The following RORA variants were observed in gnomAD, a reference collection of about 807,000 sequenced individuals.
RORA encodes the protein nuclear receptor ROR-alpha.
A neutral mutation model predicts 69.5 loss-of-function variants in RORA; 7 were observed. The observed-to-expected ratio is 0.10, with a 90% CI of 0.06 to 0.19. RORA has a LOEUF of 0.19. RORA is among the 10% of genes least tolerant of loss of function. RORA has a pLI of 1.00. For missense variants in RORA, 457 were observed against 663.0 expected, an observed-to-expected ratio of 0.69 and a Z score of 3.41; for synonymous variants, 261 against 240.8, an observed-to-expected ratio of 1.08 and a Z score of -0.78.
intron 1 of RORA, among the ~76,000 whole-genome samples, chr15:61,193,011 C>A (rs1398933088): frequency 6.6e-6 from 1 of 152,162 alleles, no homozygotes; most frequent in African/African-American, 2.4e-5. Context: ...TCTCTGTTAT[C>A]AAGTGAATAA....
intron 8 of RORA, among the ~76,000 whole-genome samples, chr15:60,501,712 A>G (rs932435110): frequency 2.6e-5 from 4 of 152,216 alleles, no homozygotes; most frequent in African/African-American, 7.2e-5. Flanking sequence ...TAAAACTATT[A>G]TAACTATTTA....
chr15:60,972,892 C>T (rs1056806745), intron 1 of RORA, among the ~76,000 whole-genome samples: 3 of 151,908 alleles, frequency 2.0e-5, no homozygotes, highest in Non-Finnish European at 4.4e-5. Flanking sequence ...ATCCTCTGAC[C>T]TGAGTATACC....
At chr15:61,185,991 C>T (rs889733093) in intron 1 of RORA, among the ~76,000 whole-genome samples, 7 of 152,192 alleles carry the variant, frequency 4.6e-5, no homozygotes, top group African/African-American at 1.7e-4. Context: ...AGTGGTTAAC[C>T]TTCACTCTAA....
At chr15:60,845,964 C>G (rs1336927285) in intron 1 of RORA, among the ~76,000 whole-genome samples, 3 of 152,172 alleles carry the variant, frequency 2.0e-5, no homozygotes, top group African/African-American at 4.8e-5. Context: ...CCAGGATGGT[C>G]TCAATCTCCT....
chr15:60,898,481 C>T (rs1264387558), intron 1 of RORA, among the ~76,000 whole-genome samples: 1 of 150,452 alleles, frequency 6.6e-6, no homozygotes, highest in Non-Finnish European at 1.5e-5. Context: ...CTAGGCAACA[C>T]AGTGAGACAT....
At chr15:60,832,872 C>T (rs953530220) in intron 1 of RORA, among the ~76,000 whole-genome samples, 1 of 152,168 alleles carries the variant, frequency 6.6e-6, no homozygotes, top group Admixed American at 6.5e-5. Flanking sequence ...GCCTTCTCCT[C>T]GTCCCATCTA....
At position 60,718,592 on chromosome 15, in the gene RORA, T is replaced by C. The variant is rs550068758; in HGVS notation, c.167-39906A>G. On this transcript the variant is annotated intron_variant, in intron 1 of 10. Transcript: ENST00000335670. ...CTAAATTTGACTTTCCTGTCAAAATTGTCACCATGTTGCAAACTGACTTTA... is the reference window on the plus strand; with the variant it reads ...CTAAATTTGACTTTCCTGTCAAAATCGTCACCATGTTGCAAACTGACTTTA... 3.3e-5 allele frequency among the ~76,000 whole-genome samples: 5 copies of C among 152,340 alleles called. No homozygotes were observed. In the South Asian group the frequency reaches 8.3e-4, roughly 25 times the overall value.
chr15:61,215,860 A>C (rs1279140250), intron 1 of RORA, among the ~76,000 whole-genome samples: 1 of 152,246 alleles, frequency 6.6e-6, no homozygotes, highest in Non-Finnish European at 1.5e-5. Flanking sequence ...CAAATTAGAC[A>C]AAATAGATGC....
intron 1 of RORA, among the ~76,000 whole-genome samples, chr15:61,202,836 G>A (rs952128261): frequency 1.3e-5 from 2 of 152,074 alleles, no homozygotes; most frequent in South Asian, 4.1e-4. Flanking sequence ...TAAACCTATG[G>A]AATATGCAAA....
chr15:61,081,219 C>A, intron 1 of RORA, among the ~76,000 whole-genome samples: 1 of 152,154 alleles, frequency 6.6e-6, no homozygotes. Flanking sequence ...CCATTTTATC[C>A]TCCCTCCCTT....
At chr15:60,942,063 G>A (rs538772366) in intron 1 of RORA, among the ~76,000 whole-genome samples, 27 of 152,052 alleles carry the variant, frequency 1.8e-4, no homozygotes, top group African/African-American at 4.6e-4. Context: ...TAATATCTTC[G>A]GAAGATTCCC....
chr15:61,069,485 G>A (rs2078309684), intron 1 of RORA, among the ~76,000 whole-genome samples: 1 of 152,144 alleles, frequency 6.6e-6, no homozygotes, highest in African/African-American at 2.4e-5. Flanking sequence ...GGCATAGGAT[G>A]CAGCGTCCAG....
chr15:60,560,552 G>T (rs1401817438), intron 2 of RORA, among the ~76,000 whole-genome samples: 9 of 152,182 alleles, frequency 5.9e-5, no homozygotes, highest in Admixed American at 5.2e-4. Context: ...AGCCGAGTGT[G>T]GTGGTGCCAG....
intron 1 of RORA, among the ~76,000 whole-genome samples, chr15:61,073,425 G>C (rs1048698250): frequency 6.7e-6 from 1 of 150,014 alleles, no homozygotes; most frequent in Non-Finnish European, 1.5e-5. Context: ...GGAATGGGCA[G>C]TGAAGCTTAT....
chr15:60,992,451 G>A (rs546948656), intron 1 of RORA, among the ~76,000 whole-genome samples: 10 of 152,202 alleles, frequency 6.6e-5, no homozygotes, highest in African/African-American at 2.2e-4. Context: ...ACCCATGTAG[G>A]GTAGGTCCTA....
At chr15:60,880,064 C>A (rs568632809) in intron 1 of RORA, among the ~76,000 whole-genome samples, 1 of 152,300 alleles carries the variant, frequency 6.6e-6, no homozygotes, top group South Asian at 2.1e-4. Context: ...TGCACACAGA[C>A]AAATGTGTAA....
rs183821271 is a variant in RORA at position 61,051,328 on chromosome 15, C to A, written c.166+177725G>T. 8.1e-3 allele frequency among the ~76,000 whole-genome samples: 1,239 copies of A among 152,228 alleles called. 52 individuals carry two copies. The highest frequency in any genetic ancestry group is 0.061 in the Admixed American group (925 of 15,286). On this transcript the variant is annotated intron_variant, in intron 1 of 10. Transcript: ENST00000335670. ...GCTACCTACTTTCCACTACCCCTAT[C>A]CCCACTCCCCCTAGGGGGTGAGGCA...
At chr15:60,971,215 C>G (rs1278915682) in intron 1 of RORA, among the ~76,000 whole-genome samples, 1 of 152,184 alleles carries the variant, frequency 6.6e-6, no homozygotes, top group Non-Finnish European at 1.5e-5. Context: ...TTTACAGAAG[C>G]CGCCCTCCTC....
At chr15:60,951,709 C>A (rs1893102973) in intron 1 of RORA, among the ~76,000 whole-genome samples, 1 of 152,106 alleles carries the variant, frequency 6.6e-6, no homozygotes, top group African/African-American at 2.4e-5. Context: ...ATAAATTCCT[C>A]GACACATAAA....
Sources: gnomAD v4.1 joint callset for allele counts (sites outside exome capture counted in the v4.1 genomes callset) on GRCh38, gnomAD v4.1.1 for gene constraint, MANE v1.5 for transcripts, NCBI Gene and HGNC (gene_info 2026-07-23, HGNC 2026-07-21) for gene names.